The following CTNND2 variants were observed in gnomAD, a reference collection of about 807,000 sequenced individuals.
The protein encoded by CTNND2 is catenin delta-2.
A neutral mutation model predicts 144.4 loss-of-function variants in CTNND2; 22 were observed. The observed-to-expected ratio is 0.15, with a 90% confidence interval of 0.11 to 0.22. The LOEUF (loss-of-function observed/expected upper bound fraction) is 0.22, where lower values mean the gene tolerates loss of function less well. CTNND2 is among the 10% of genes least tolerant of loss of function. The pLI is 1.00. For missense variants in CTNND2, 1,353 were observed against 1,618.8 expected (o/e 0.84, Z 2.82); for synonymous variants, 751 against 695.6 (o/e 1.08, Z -1.25).
chr5:11,285,045 G>T (rs1275940386), intron 9 of CTNND2, among the ~76,000 whole-genome samples: 2 of 152,206 alleles, frequency 1.3e-5, no homozygotes, highest in African/African-American at 4.8e-5. Context: ...GCTAAGACCA[G>T]TTTTGGCAAG....
At chr5:11,491,224 C>T (rs529306695) in intron 3 of CTNND2, among the ~76,000 whole-genome samples, 1 of 152,244 alleles carries the variant, frequency 6.6e-6, no homozygotes, top group Admixed American at 6.5e-5. Flanking sequence ...AGTTGCTTTC[C>T]CAGTGACACA....
intron 3 of CTNND2, among the ~76,000 whole-genome samples, chr5:11,486,871 TC>T (rs1363631898): frequency 1.3e-5 from 2 of 152,224 alleles, no homozygotes; most frequent in Non-Finnish European, 2.9e-5. Flanking sequence ...TTATGTTTTA[TC>T]CTACTTGTTG....
At chr5:11,218,589 A>G (rs1478566115) in intron 10 of CTNND2, among the ~76,000 whole-genome samples, 1 of 152,204 alleles carries the variant, frequency 6.6e-6, no homozygotes, top group Non-Finnish European at 1.5e-5. Context: ...GGCATTTTTC[A>G]TATGGATGAC....
chr5:11,122,346 G>A (rs934635081), intron 12 of CTNND2, among the ~76,000 whole-genome samples: 1 of 151,992 alleles, frequency 6.6e-6, no homozygotes, highest in Non-Finnish European at 1.5e-5. Context: ...TCACAAGTTT[G>A]TGGCCTGGAG....
intron 9 of CTNND2, among the ~76,000 whole-genome samples, chr5:11,328,728 C>T (rs997166400): frequency 6.6e-6 from 1 of 152,208 alleles, no homozygotes; most frequent in Non-Finnish European, 1.5e-5. Context: ...TGAAGATCTA[C>T]ACGTGCAGAT....
intron 18 of CTNND2, among the ~76,000 whole-genome samples, chr5:11,008,825 T>A (rs1213919233): frequency 6.6e-5 from 10 of 152,090 alleles, no homozygotes; most frequent in African/African-American, 1.2e-4. Flanking sequence ...AGCCTCCCTC[T>A]CCAGAAGCCC....
intron 2 of CTNND2, among the ~76,000 whole-genome samples, chr5:11,658,209 A>C (rs1783013473): frequency 1.3e-5 from 2 of 152,094 alleles, no homozygotes; most frequent in South Asian, 4.1e-4. Flanking sequence ...CCAAGTAAGA[A>C]TAAAAAAAAA....
intron 2 of CTNND2, among the ~76,000 whole-genome samples, chr5:11,623,397 G>T (rs1401401902): frequency 2.0e-5 from 3 of 151,872 alleles, no homozygotes; most frequent in African/African-American, 4.8e-5. Context: ...TTTTATAAAG[G>T]GTTTCCCCTT....
At chr5:10,995,065 G>A (rs753678643) in intron 18 of CTNND2, among the ~76,000 whole-genome samples, 1 of 152,182 alleles carries the variant, frequency 6.6e-6, no homozygotes, top group Non-Finnish European at 1.5e-5. Flanking sequence ...GACGTATATG[G>A]TTACCGAAGA....
chr5:11,441,102 G>A (rs573876508), intron 3 of CTNND2, among the ~76,000 whole-genome samples: 17 of 152,098 alleles, frequency 1.1e-4, no homozygotes, highest in Non-Finnish European at 2.4e-4. Context: ...AAGAATGATA[G>A]TTTTGATGTT....
chr5:11,221,339 T>C (rs1739772924), intron 10 of CTNND2, among the ~76,000 whole-genome samples: 1 of 152,206 alleles, frequency 6.6e-6, no homozygotes, highest in Admixed American at 6.5e-5. Context: ...GTGTTAACTA[T>C]TTCCAAGATG....
chr5:11,411,544 G>A lies in CTNND2; in HGVS notation c.431C>T (p.Thr144Ile). The A allele has an allele frequency of 6.3e-7, 1 of 1,576,438 alleles. No individual in the cohort carries two copies. Among genetic ancestry groups the A allele is most frequent in the Non-Finnish European group, 8.7e-7 (1 of 1,148,318 alleles). ...SGILDPQDYS[T>I]GERPSLLSQS... ...ACTGCCACGTGACTTACTTTCACCT[G>A]TAGAATAATCCTGTGGGTCAAGTAT... The change falls in exon 5 of 22, where the codon ACA (threonine) becomes ATA (isoleucine). Residue 144 changes from threonine (T) to isoleucine (I), a missense_variant. Around this residue, in one of 4 missense-constraint regions of CTNND2, gnomAD observed 708 missense variants for 706.4 expected, o/e 1.00. Coordinates refer to ENST00000304623, the MANE Select transcript of CTNND2 (RefSeq NM_001332.4).
At chr5:11,002,878 G>T (rs1301397777) in intron 18 of CTNND2, among the ~76,000 whole-genome samples, 1 of 152,172 alleles carries the variant, frequency 6.6e-6, no homozygotes, top group Non-Finnish European at 1.5e-5. Flanking sequence ...TCTTATAAGA[G>T]ACTTCTCTGA....
intron 16 of CTNND2, among the ~76,000 whole-genome samples, chr5:11,057,121 T>C (rs1746423710): frequency 6.6e-6 from 1 of 152,192 alleles, no homozygotes; most frequent in African/African-American, 2.4e-5. Context: ...GGTCTCCAAG[T>C]ATAGGACAGC....
intron 13 of CTNND2, among the ~76,000 whole-genome samples, chr5:11,113,804 CA>C (rs950220385): frequency 6.6e-6 from 1 of 152,180 alleles, no homozygotes; most frequent in African/African-American, 2.4e-5. Context: ...CTGGAATGGG[CA>C]GGGGCTGCTG....
intron 1 of CTNND2, among the ~76,000 whole-genome samples, chr5:11,859,761 C>T (rs1302742079): frequency 8.5e-5 from 13 of 152,142 alleles, no homozygotes; most frequent in Non-Finnish European, 2.9e-5. Context: ...TCTCACTTAA[C>T]CTTTTTCTCA....
chr5:11,341,016 G>C (rs1471357534), intron 9 of CTNND2, among the ~76,000 whole-genome samples: 1 of 152,178 alleles, frequency 6.6e-6, no homozygotes, highest in African/African-American at 2.4e-5. Flanking sequence ...AGTGAACCCA[G>C]GTTTGCCCAA....
intron 1 of CTNND2, among the ~76,000 whole-genome samples, chr5:11,827,391 T>C (rs1793658791): frequency 6.6e-6 from 1 of 152,164 alleles, no homozygotes; most frequent in South Asian, 2.1e-4. Context: ...GTCAAGAATC[T>C]AAACTTCTAC....
intron 3 of CTNND2, among the ~76,000 whole-genome samples, chr5:11,516,428 T>G (rs374110842): frequency 1.3e-5 from 2 of 150,366 alleles, no homozygotes; most frequent in East Asian, 1.9e-4. Flanking sequence ...AGATATGATC[T>G]TACATATAGA....
Sources: allele counts gnomAD v4.1 joint callset (sites outside exome capture counted in the v4.1 genomes callset), GRCh38; gene constraint gnomAD v4.1.1; regional missense constraint gnomAD v4.1.1; transcripts MANE v1.5; gene names NCBI Gene and HGNC (gene_info 2026-07-23, HGNC 2026-07-21).